The following FOXK2 variants were observed in gnomAD, a reference collection of about 807,000 sequenced individuals.
FOXK2 encodes forkhead box K2.
Under a neutral mutation model 53.3 loss-of-function variants are expected in FOXK2, and 24 were observed. The ratio of observed to expected loss-of-function variants is 0.45; its 90% CI spans 0.33 to 0.63. The LOEUF (loss-of-function observed/expected upper bound fraction) is 0.63. FOXK2 is among the 30% of genes least tolerant of loss of function. The pLI is 0.03. For synonymous variants in FOXK2, 505 were observed against 407.1 expected, an observed-to-expected ratio of 1.24 and a Z score of -2.89; for missense variants, 952 against 910.5, an observed-to-expected ratio of 1.05 and a Z score of -0.59.
chr17:82,568,948 G>T (rs2044883318), intron 3 of FOXK2, among the ~76,000 whole-genome samples: 2 of 152,188 alleles, frequency 1.3e-5, no homozygotes, highest in South Asian at 2.1e-4. Context: ...GGAGGCGGAG[G>T]TTGCAGTGAG....
rs887502277 is a variant in FOXK2 at position 82,586,549 on chromosome 17, G to C, written c.1576+349G>C. Reference sequence around the variant, plus strand: ...GACCACAGGGAGGTCAAAGGTAGGCGGAGGGGAAAGGAGGAGAGGCTGCCC... The same window carrying C: ...GACCACAGGGAGGTCAAAGGTAGGCCGAGGGGAAAGGAGGAGAGGCTGCCC... On this transcript the variant is annotated intron_variant, in intron 7 of 8. Coordinates refer to ENST00000335255, the MANE Select transcript of FOXK2 (RefSeq NM_004514.4). 1.0e-4 allele frequency among the ~76,000 whole-genome samples: 8 copies of C among 76,632 alleles called. 1 individual carries two copies. The highest frequency in any genetic ancestry group is 2.5e-4 in the Admixed American group (2 of 7,916). The allele number at this position is 76,632 out of a possible 152,430, so 50.3% of individuals were successfully genotyped here.
chr17:82,597,979 A>G (rs1352129341), intron 8 of FOXK2, among the ~76,000 whole-genome samples: 2 of 152,168 alleles, frequency 1.3e-5, no homozygotes, highest in East Asian at 1.9e-4. Flanking sequence ...CAGGCCTCTC[A>G]CTACTGTTCT....
intron 1 of FOXK2, among the ~76,000 whole-genome samples, chr17:82,537,619 CAAAA>C (rs963026198): frequency 1.3e-3 from 67 of 53,018 alleles, no homozygotes; most frequent in African/African-American, 5.2e-3. Flanking sequence ...GACTCCATCT[CAAAA>C]AAAAAAAAAA....
intron 1 of FOXK2, among the ~76,000 whole-genome samples, chr17:82,547,769 C>T (rs981141531): frequency 6.6e-6 from 1 of 152,146 alleles, no homozygotes; most frequent in Non-Finnish European, 1.5e-5. Flanking sequence ...TTCCTCTTGC[C>T]CCTTGGCAGT....
At chr17:82,541,096 C>T (rs12185254) in intron 1 of FOXK2, among the ~76,000 whole-genome samples, 66,838 of 151,566 alleles carry the variant, frequency 0.44, 14,891 homozygotes, top group South Asian at 0.55. Context: ...TGAGCAGCTC[C>T]GTCTTCTCTG....
chr17:82,569,581 C>T (rs1041957062), intron 3 of FOXK2, among the ~76,000 whole-genome samples: 3 of 152,136 alleles, frequency 2.0e-5, no homozygotes, highest in Non-Finnish European at 4.4e-5. Context: ...GTTCAGCTGA[C>T]ATAAATGTAT....
At chr17:82,558,465 T>C (rs1193600696) in intron 1 of FOXK2, among the ~76,000 whole-genome samples, 1 of 152,226 alleles carries the variant, frequency 6.6e-6, no homozygotes, top group Non-Finnish European at 1.5e-5. Context: ...AAGTACGAGC[T>C]CACAGATAAT....
At chr17:82,543,610 T>A (rs2044594136) in intron 1 of FOXK2, among the ~76,000 whole-genome samples, 1 of 152,080 alleles carries the variant, frequency 6.6e-6, no homozygotes, top group South Asian at 2.1e-4. Flanking sequence ...AGGAAGGCCA[T>A]GATAGGGAAG....
rs1369049427 is a variant in FOXK2 at position 82,585,951 on chromosome 17, C to A, written c.1327C>A (p.Leu443Ile). 6.2e-7 allele frequency: 1 copy of A among 1,612,700 alleles called. No individual in the cohort carries two copies. Among genetic ancestry groups the A allele is most frequent in the East Asian group, 2.2e-5 (1 of 44,884 alleles). ...QPVLITVQRQ[L>I]PQAIKPVTYT... is the part of the protein sequence containing the mutation. ...AGTCTTAATCACCGTCCAGCGGCAG[C>A]TACCACAGGCCATCAAGCCTGTCAC... The change falls in exon 7 of 9, where the codon CTA (leucine) becomes ATA (isoleucine). Residue 443 changes from leucine (L) to isoleucine (I), a missense_variant. Around this residue, in one of 5 missense-constraint regions of FOXK2, gnomAD observed 551 missense variants for 385.1 expected, o/e 1.43. Transcript: ENST00000335255.
Position 82,519,772 on chromosome 17 carries a change from C to CGG in FOXK2, c.-117_-116insGG. The CGG allele has an allele frequency of 1.1e-5, 3 of 272,014 alleles. No homozygotes were observed. Among genetic ancestry groups the CGG allele is most frequent in the Non-Finnish European group, 1.7e-5 (3 of 181,154 alleles). 16.9% of individuals were successfully genotyped at this position (272,014 alleles called of 1,614,324 possible). ...TCGCTCGCTCGCCGGCCGGCGGCCT[C>CGG]CGCTCGGCCCCCTCCCTCAGCTCCG... On this transcript the variant is annotated 5_prime_UTR_variant, in exon 1 of 9. Coordinates refer to ENST00000335255, the MANE Select transcript of FOXK2 (RefSeq NM_004514.4).
At chr17:82,557,800 A>G (rs1370436437) in intron 1 of FOXK2, among the ~76,000 whole-genome samples, 5 of 152,058 alleles carry the variant, frequency 3.3e-5, no homozygotes, top group Non-Finnish European at 7.4e-5. Flanking sequence ...GGTGTGCACC[A>G]CCATCCTGGG....
In FOXK2 at chr17:82,583,073, A is replaced by C. The variant is rs9944476; in HGVS notation, c.1103+139A>C. ...ATGTTGGGATGGGGATTTGAGCAAA[A>C]GTGTTGGGTGCTGCCCAGGTGTTTC... On this transcript the variant is annotated intron_variant, in intron 5 of 8. Transcript: ENST00000335255. 10,649 of 648,274 alleles carry C rather than the reference A, an allele frequency of 0.016. 881 individuals are homozygous for C. In the African/African-American group the frequency reaches 0.18, roughly 11 times the overall value. 40.2% of individuals were successfully genotyped at this position (648,274 alleles called of 1,614,324 possible).
At chr17:82,567,623 C>T (rs1318647921) in intron 2 of FOXK2, among the ~76,000 whole-genome samples, 1 of 152,226 alleles carries the variant, frequency 6.6e-6, no homozygotes, top group Non-Finnish European at 1.5e-5. Flanking sequence ...CCTCCCCTCC[C>T]CCACCACCCC....
chr17:82,585,467 G>A (rs1000539217), intron 6 of FOXK2, among the ~76,000 whole-genome samples: 1 of 152,134 alleles, frequency 6.6e-6, no homozygotes. Context: ...TGGGGCTGTA[G>A]GCGCACAGTA....
At chr17:82,562,913 C>T (rs572525680) in intron 1 of FOXK2, among the ~76,000 whole-genome samples, 71 of 152,046 alleles carry the variant, frequency 4.7e-4, no homozygotes, top group African/African-American at 1.7e-3. Flanking sequence ...TCAAGCAATC[C>T]TCCTGCCTCA....
intron 1 of FOXK2, among the ~76,000 whole-genome samples, chr17:82,558,330 C>T (rs1431312567): frequency 6.6e-6 from 1 of 152,152 alleles, no homozygotes; most frequent in African/African-American, 2.4e-5. Context: ...GGAGCGAGAC[C>T]CTGCCTGAAA....
At chr17:82,561,695 G>A (rs56060357) in intron 1 of FOXK2, among the ~76,000 whole-genome samples, 25,869 of 152,024 alleles carry the variant, frequency 0.17, 2,736 homozygotes, top group East Asian at 0.39. Context: ...AACCCCTCAG[G>A]TGCTGTCCTT....
chr17:82,582,931 C>G lies in FOXK2; in HGVS notation c.1100C>G (p.Ser367Cys), dbSNP rs879403538. ...CFRTPLGPLS[S>C]RSAPASPNHA... is the part of the protein sequence containing the mutation. ...AGAACCCCTCTGGGACCGCTCTCTT[C>G]TAGGTAAGGAAAAAGAAGAACAAAA... The change falls in exon 5 of 9, where the codon TCT becomes TGT. Residue 367 changes from serine (S) to cysteine (C), a missense_variant. Ser to Cys is a moderately radical substitution (Grantham distance 112, BLOSUM62 -1). Transcript: ENST00000335255. 63 of 1,549,398 alleles carry G rather than the reference C, an allele frequency of 4.1e-5. No homozygotes were observed. Among genetic ancestry groups the G allele is most frequent in the Non-Finnish European group, 5.4e-5 (62 of 1,153,636 alleles).
chr17:82,573,549 C>G (rs1196136496), intron 4 of FOXK2, among the ~76,000 whole-genome samples: 1 of 106,122 alleles, frequency 9.4e-6, no homozygotes, highest in South Asian at 3.7e-4. Context: ...CTCTCTCTCT[C>G]TCTCTCTCTC....
Sources: gnomAD v4.1 joint callset for allele counts (sites outside exome capture counted in the v4.1 genomes callset) on GRCh38, gnomAD v4.1.1 for gene constraint, gnomAD v4.1.1 regional missense constraint, MANE v1.5 for transcripts, NCBI Gene and HGNC (gene_info 2026-07-23, HGNC 2026-07-21) for gene names.